The following FEZ1 variants were observed in gnomAD, a reference collection of about 807,000 sequenced individuals.
The protein encoded by FEZ1 is fasciculation and elongation protein zeta 1, also known as fasciculation and elongation protein zeta-1.
Under a neutral mutation model 49.3 loss-of-function variants are expected in FEZ1, and 20 were observed. That is an observed-to-expected ratio of 0.41 (90% CI 0.29 to 0.59). FEZ1 has a LOEUF of 0.59. Ranked by LOEUF, FEZ1 falls within the 20% of genes least tolerant of loss-of-function variation. The pLI is 0.36. For missense variants in FEZ1, 413 were observed against 476.0 expected (o/e 0.87, Z 1.23); for synonymous variants, 170 against 180.9 (o/e 0.94, Z 0.48).
intron 3 of FEZ1, 132 bp downstream of exon 3, chr11:125,481,402 G>A: frequency 2.7e-6 from 2 of 740,198 alleles, no homozygotes; most frequent in East Asian, 2.5e-5. Context: ...ACCCACCTCG[G>A]TCTCCCAAAG....
chr11:125,474,228 CAG>C (rs1423085095), intron 3 of FEZ1, among the ~76,000 whole-genome samples: 1 of 137,764 alleles, frequency 7.3e-6, no homozygotes, highest in Non-Finnish European at 1.5e-5. Flanking sequence ...TTAGTAGAGA[CAG>C]GGTTTCACCG....
intron 5 of FEZ1, among the ~76,000 whole-genome samples, chr11:125,456,543 A>AT (rs768892195): frequency 2.0e-5 from 3 of 152,232 alleles, no homozygotes; most frequent in Non-Finnish European, 4.4e-5. Flanking sequence ...TGATCAAGAT[A>AT]TAGCATACGG....
Position 125,463,478 on chromosome 11 carries a change from T to C in FEZ1, c.498+6A>G. On this transcript the variant is annotated splice_donor_region_variant and intron_variant, in intron 4 of 9. Coordinates refer to ENST00000278919, the MANE Select transcript of FEZ1 (RefSeq NM_005103.5). Reference sequence around the variant, plus strand: ...AGGTCCCGATAACCTGGAGAGATACTTATACCTGATCTGCTGTGAGCAGAG... The same window carrying C: ...AGGTCCCGATAACCTGGAGAGATACCTATACCTGATCTGCTGTGAGCAGAG... 1.3e-6 allele frequency: 2 copies of C among 1,561,548 alleles called. No homozygotes were observed. The highest frequency in any genetic ancestry group is 3.3e-5 in the Admixed American group (2 of 59,924).
At chr11:125,468,344 AC>A (rs1299509440) in intron 3 of FEZ1, among the ~76,000 whole-genome samples, 4 of 151,878 alleles carry the variant, frequency 2.6e-5, no homozygotes, top group Admixed American at 1.3e-4. Context: ...CTCATGGCAA[AC>A]TTTTTCATTT....
At position 125,473,847 on chromosome 11, in the gene FEZ1, T is replaced by G. The variant is rs982524940; in HGVS notation, c.411+7687A>C. 1.4e-4 allele frequency among the ~76,000 whole-genome samples: 21 copies of G among 147,942 alleles called. No individual in the cohort carries two copies. In the East Asian group the frequency reaches 3.8e-3, roughly 26 times the overall value. ...AAAAAAAAAAAAAACAGAAAGAAACTGATTTGAGATGGATCATAGACCTAA... is the reference window on the plus strand; with the variant it reads ...AAAAAAAAAAAAAACAGAAAGAAACGGATTTGAGATGGATCATAGACCTAA... On this transcript the variant is annotated intron_variant, in intron 3 of 9. Coordinates refer to ENST00000278919, the MANE Select transcript of FEZ1 (RefSeq NM_005103.5).
At chr11:125,466,888 A>T (rs575839405) in intron 3 of FEZ1, among the ~76,000 whole-genome samples, 2 of 152,274 alleles carry the variant, frequency 1.3e-5, no homozygotes, top group South Asian at 4.1e-4. Flanking sequence ...CAGCATATTT[A>T]GCCCTTTGCA....
chr11:125,477,269 C>T (rs892852169), intron 3 of FEZ1, among the ~76,000 whole-genome samples: 3 of 150,506 alleles, frequency 2.0e-5, no homozygotes, highest in East Asian at 1.9e-4. Flanking sequence ...CCAAGGCAGG[C>T]GGCTCACTTG....
chr11:125,478,456 A>AT (rs879316870), intron 3 of FEZ1, among the ~76,000 whole-genome samples: 3 of 152,102 alleles, frequency 2.0e-5, no homozygotes, highest in African/African-American at 4.8e-5. Flanking sequence ...AATAAAAAAA[A>AT]TTGTTTTAAA....
chr11:125,489,336 C>T lies in FEZ1; in HGVS notation c.311+131G>A. On this transcript the variant is annotated intron_variant, in intron 2 of 9. Transcript: ENST00000278919. The surrounding 1 kb of genome is among the most constrained non-coding windows in gnomAD (Gnocchi z 4.2). Reference sequence around the variant, plus strand: ...AGCTATGACAGCAAGTACCAGGGCACTGCTCCGCTGGCAACACGAAAATGA... The same window carrying T: ...AGCTATGACAGCAAGTACCAGGGCATTGCTCCGCTGGCAACACGAAAATGA... 1 of 1,456,260 alleles carries T rather than the reference C, an allele frequency of 6.9e-7. No homozygotes were observed. Among genetic ancestry groups the T allele is most frequent in the Non-Finnish European group, 9.0e-7 (1 of 1,106,472 alleles). The allele number at this position is 1,456,260 out of a possible 1,614,324, so 90.2% of individuals were successfully genotyped here. A position where few individuals can be genotyped will look rare whatever the true frequency, so the allele number is the denominator to read the frequency against.
intron 5 of FEZ1, 198 bp downstream of exon 5, chr11:125,460,300 G>A (rs922120539): frequency 5.2e-5 from 23 of 445,358 alleles, no homozygotes; most frequent in African/African-American, 2.8e-4. Flanking sequence ...AATTTTGCTC[G>A]ACTACCTTGT....
chr11:125,454,237 G>T, intron 6 of FEZ1, 27 bp from the exon 7 acceptor site: 1 of 1,569,134 alleles, frequency 6.4e-7, no homozygotes, highest in Non-Finnish European at 8.8e-7. Context: ...CTCAAGAAGG[G>T]CAAATGCTTC....
intron 3 of FEZ1, among the ~76,000 whole-genome samples, chr11:125,473,818 CA>C (rs141159400): frequency 0.028 from 2,880 of 102,022 alleles, 48 homozygotes; most frequent in African/African-American, 0.096. Context: ...GACTCCATTT[CA>C]AAAAAAAAAA....
chr11:125,478,494 C>G (rs1320594729), intron 3 of FEZ1, among the ~76,000 whole-genome samples: 1 of 152,166 alleles, frequency 6.6e-6, no homozygotes, highest in African/African-American at 2.4e-5. Context: ...GGTATGAGTG[C>G]TCACTAGAGA....
intron 3 of FEZ1, among the ~76,000 whole-genome samples, chr11:125,470,411 T>C (rs1168647622): frequency 6.6e-6 from 1 of 152,100 alleles, no homozygotes; most frequent in Non-Finnish European, 1.5e-5. Context: ...CAGATAGAAT[T>C]ATGGGCGGGG....
At chr11:125,449,186 G>T (rs1956926235) in intron 8 of FEZ1, among the ~76,000 whole-genome samples, 1 of 150,644 alleles carries the variant, frequency 6.6e-6, no homozygotes, top group Non-Finnish European at 1.5e-5. Context: ...AGACTTACAG[G>T]CACGTGCCAC....
At chr11:125,483,999 C>T (rs546105391) in intron 2 of FEZ1, among the ~76,000 whole-genome samples, 1 of 152,270 alleles carries the variant, frequency 6.6e-6, no homozygotes, top group South Asian at 2.1e-4. Context: ...GATTTCAAGC[C>T]ATCCTCATTC....
intron 5 of FEZ1, among the ~76,000 whole-genome samples, chr11:125,457,897 C>T (rs1018573651): frequency 3.3e-5 from 5 of 152,184 alleles, no homozygotes; most frequent in Non-Finnish European, 7.3e-5. Context: ...TATTTGCTGA[C>T]TTGGTTGGGC....
Position 125,448,532 on chromosome 11 carries a change from G to T in FEZ1, c.1132C>A (p.Pro378Thr). The change falls in exon 9 of 10, where the codon CCT becomes ACT. Residue 378 changes from proline (P) to threonine (T), a missense_variant. Pro to Thr is a conservative substitution (Grantham distance 38). Transcript: ENST00000278919. Reference sequence around the variant, plus strand: ...AAAATGTAGTCCGTTAGCAAAGTAGGCACCTTCTCATTATCCTCCTTCATG... The same window carrying T: ...AAAATGTAGTCCGTTAGCAAAGTAGTCACCTTCTCATTATCCTCCTTCATG... Reference protein sequence around the residue: ...FAMKEDNEKVPTLLTDYILKV... With the variant: ...FAMKEDNEKVTTLLTDYILKV... 1 of 1,612,304 alleles carries T rather than the reference G, an allele frequency of 6.2e-7. No individual in the cohort carries two copies. Among genetic ancestry groups the T allele is most frequent in the Non-Finnish European group, 8.5e-7 (1 of 1,178,374 alleles).
intron 5 of FEZ1, among the ~76,000 whole-genome samples, chr11:125,456,908 G>A (rs1250867824): frequency 6.6e-6 from 1 of 152,150 alleles, no homozygotes; most frequent in Non-Finnish European, 1.5e-5. Context: ...TTTAGGCCAG[G>A]AGCAGTGGCT....
Sources: gnomAD v4.1 joint callset for allele counts (sites outside exome capture counted in the v4.1 genomes callset) on GRCh38, gnomAD v4.1.1 for gene constraint, Gnocchi (gnomAD v3.1) non-coding constraint, MANE v1.5 for transcripts, NCBI Gene and HGNC (gene_info 2026-07-23, HGNC 2026-07-21) for gene names.